BIN1: variants seen among roughly 807,000 people sequenced by gnomAD.
BIN1 encodes myc box-dependent-interacting protein 1.
In BIN1, 53 loss-of-function variants were observed where a neutral mutation model predicts 82.0. The ratio of observed to expected loss-of-function variants is 0.65; its 90% confidence interval spans 0.52 to 0.81. The LOEUF (loss-of-function observed/expected upper bound fraction) is 0.81, where lower values mean the gene tolerates loss of function less well. Among genes scored for constraint, BIN1 ranks in the 40% least tolerant of loss-of-function variants. The pLI is 0.00. For synonymous variants in BIN1, 302 were observed against 328.0 expected (o/e 0.92, Z 0.86); for missense variants, 642 against 784.4 (o/e 0.82, Z 2.17).
In BIN1 at chr2:127,089,520, G is replaced by C. The variant is rs374655175; in HGVS notation, c.85-12814C>G. Among the ~76,000 whole-genome samples the C allele has an allele frequency of 6.9e-4, 105 of 152,270 alleles. 1 individual carries two copies. Among genetic ancestry groups the C allele is most frequent in the African/African-American group, 2.2e-3 (92 of 41,556 alleles). On this transcript the variant is annotated intron_variant, in intron 1 of 18. Transcript: ENST00000316724. Reference sequence around the variant, plus strand: ...ACACGTGTTGGGGTAACAGCTGGGGGTCACAGTGAGTTTGCAGTGCCCAGA... The same window carrying C: ...ACACGTGTTGGGGTAACAGCTGGGGCTCACAGTGAGTTTGCAGTGCCCAGA...
intron 1 of BIN1, among the ~76,000 whole-genome samples, chr2:127,101,285 G>A (rs760571930): frequency 1.3e-5 from 2 of 152,108 alleles, no homozygotes; most frequent in Non-Finnish European, 2.9e-5. Flanking sequence ...AACAAACCAG[G>A]GTGGCATCCA....
chr2:127,073,396 G>A (rs1686171628), intron 2 of BIN1, among the ~76,000 whole-genome samples: 4 of 152,222 alleles, frequency 2.6e-5, no homozygotes, highest in Admixed American at 2.6e-4. Flanking sequence ...GCCCAGCTGG[G>A]GGAAGATAAG....
At chr2:127,065,495 T>G (rs1053159174) in intron 7 of BIN1, among the ~76,000 whole-genome samples, 13 of 152,128 alleles carry the variant, frequency 8.5e-5, no homozygotes, top group African/African-American at 3.1e-4. Flanking sequence ...TCTATGGAAC[T>G]CATAAAATGA....
intron 1 of BIN1, among the ~76,000 whole-genome samples, chr2:127,094,476 G>C (rs1679327389): frequency 1.3e-5 from 2 of 152,180 alleles, no homozygotes; most frequent in African/African-American, 4.8e-5. Flanking sequence ...GATGAGGAGG[G>C]AGAGCAGGAG....
chr2:127,080,539 C>T (rs55769487), intron 1 of BIN1, among the ~76,000 whole-genome samples: 24,405 of 152,248 alleles, frequency 0.16, 2,072 homozygotes, highest in South Asian at 0.25. Context: ...ACACTTATCA[C>T]GCACACTCAC....
chr2:127,092,015 C>A (rs1016942209), intron 1 of BIN1, among the ~76,000 whole-genome samples: 2 of 152,024 alleles, frequency 1.3e-5, no homozygotes, highest in Admixed American at 1.3e-4. Flanking sequence ...TGGCCCCTAC[C>A]TTTGGCCCTG....
chr2:127,071,033 C>T lies in BIN1; in HGVS notation c.166-217G>A, dbSNP rs538960839. 7.9e-5 allele frequency among the ~76,000 whole-genome samples: 12 copies of T among 152,306 alleles called. No homozygotes were observed. The South Asian group carries it at 2.1e-3, about 26-fold the overall frequency. ...CCTTGCCCATGCTTGTGGGCACCTG[C>T]CATCTTCCAGATGCCATTCTCAGCC... On this transcript the variant is annotated intron_variant, in intron 2 of 18. Coordinates refer to ENST00000316724, the MANE Select transcript of BIN1 (RefSeq NM_139343.3).
Position 127,057,612 on chromosome 2 carries a change from G to C in BIN1, c.1003-11C>G, listed in dbSNP as rs759676621. ...TGGGCCTTTCCGGAGCTGTGGGTCG[G>C]CGGCGGGTGAGGGGCCGCGCGGGAA... On this transcript the variant is annotated splice_polypyrimidine_tract_variant and intron_variant, in intron 11 of 18. Transcript: ENST00000316724. The surrounding 1 kb of genome is among the most constrained non-coding windows in gnomAD (Gnocchi z 5.0). 1.6e-4 allele frequency: 237 copies of C among 1,515,906 alleles called. 1 individual carries two copies. In the Middle Eastern group the frequency reaches 9.7e-3, roughly 62 times the overall value. The allele number at this position is 1,515,906 out of a possible 1,614,324, so 93.9% of individuals were successfully genotyped here. A position where few individuals can be genotyped will look rare whatever the true frequency, so the allele number is the denominator to read the frequency against.
At chr2:127,058,878 A>C in intron 11 of BIN1, 133 bp downstream of exon 11, 1 of 1,373,658 alleles carries the variant, frequency 7.3e-7, no homozygotes, top group Admixed American at 2.2e-5. Flanking sequence ...CCCAACCCCC[A>C]CTGGGCAAAG....
In BIN1 at chr2:127,106,565, G is replaced by A. The variant is rs982057208; in HGVS notation, c.84+295C>T. Among the ~76,000 whole-genome samples the A allele has an allele frequency of 3.9e-5, 6 of 152,302 alleles. No individual in the cohort carries two copies. In the East Asian group the frequency reaches 9.7e-4, roughly 25 times the overall value. On this transcript the variant is annotated intron_variant, in intron 1 of 18. Coordinates refer to ENST00000316724, the MANE Select transcript of BIN1 (RefSeq NM_139343.3). ...GTAGCCTGGAGCGCGCGCCTGAGAAGAGCCTGGAGCAGGGCCGGCCACTGC... is the reference window on the plus strand; with the variant it reads ...GTAGCCTGGAGCGCGCGCCTGAGAAAAGCCTGGAGCAGGGCCGGCCACTGC...
intron 1 of BIN1, among the ~76,000 whole-genome samples, chr2:127,084,414 AG>A (rs1234351642): frequency 1.3e-5 from 2 of 152,132 alleles, no homozygotes; most frequent in Non-Finnish European, 2.9e-5. Context: ...GACCAGTGGG[AG>A]GTTTCGGACA....
At chr2:127,086,215 C>A (rs1678138871) in intron 1 of BIN1, among the ~76,000 whole-genome samples, 1 of 152,192 alleles carries the variant, frequency 6.6e-6, no homozygotes, top group African/African-American at 2.4e-5. Flanking sequence ...GCCAGGATGC[C>A]ACACCTGATC....
chr2:127,081,231 C>T (rs747962892), intron 1 of BIN1, among the ~76,000 whole-genome samples: 3 of 152,206 alleles, frequency 2.0e-5, no homozygotes, highest in African/African-American at 4.8e-5. Flanking sequence ...CAGCTCACCA[C>T]GTACAGCACC....
intron 9 of BIN1, 123 bp downstream of exon 9, chr2:127,063,448 T>C: frequency 1.9e-6 from 2 of 1,061,348 alleles, no homozygotes; most frequent in Non-Finnish European, 2.8e-6. Flanking sequence ...GGGAGCCCTG[T>C]GGTCACCGGT....
In BIN1 at chr2:127,057,501, G is replaced by A; in HGVS notation, c.1103C>T (p.Pro368Leu). The A allele has an allele frequency of 6.5e-7, 1 of 1,547,908 alleles. No homozygotes were observed. The highest frequency in any genetic ancestry group is 8.7e-7 in the Non-Finnish European group (1 of 1,144,558). Residue 368 changes from proline (P) to leucine (L), a missense_variant, in exon 12 of 19, where the codon CCT (proline) becomes CTT (leucine). Transcript: ENST00000316724. This position sits in a 1 kb window ranked among gnomAD's most constrained non-coding sequence, Gnocchi z 5.0. Reference sequence around the variant, plus strand: ...GGAGGGGGTGGTCACGCTGATCTCAGGGACAAACGTGTCCTCAAACAGGCT... The same window carrying A: ...GGAGGGGGTGGTCACGCTGATCTCAAGGACAAACGTGTCCTCAAACAGGCT... ...ILSLFEDTFV[P>L]EISVTTPSQF... is the part of the protein sequence containing the mutation.
At chr2:127,062,386 AAGTGGGCT>A (rs1380862600) in intron 9 of BIN1, among the ~76,000 whole-genome samples, 189 bp from the exon 10 acceptor site, 1 of 152,214 alleles carries the variant, frequency 6.6e-6, no homozygotes, top group African/African-American at 2.4e-5. Context: ...AAAACGGGGC[AAGTGGGCT>A]ATATCACTAA....
At chr2:127,084,010 A>G (rs10205454) in intron 1 of BIN1, among the ~76,000 whole-genome samples, 149,501 of 152,352 alleles carry the variant, frequency 0.98, 73,371 homozygotes, top group East Asian at 1. Flanking sequence ...CATCTGCAGG[A>G]CAATCACGGT....
intron 10 of BIN1, among the ~76,000 whole-genome samples, chr2:127,060,809 G>C (rs1469752836): frequency 1.3e-5 from 2 of 152,126 alleles, no homozygotes; most frequent in African/African-American, 4.8e-5. Flanking sequence ...CTATCCCGGG[G>C]TGCCCTGACT....
intron 9 of BIN1, among the ~76,000 whole-genome samples, chr2:127,062,787 C>CTATTTT (rs1684672003): frequency 6.6e-6 from 1 of 152,330 alleles, no homozygotes; most frequent in Middle Eastern, 3.4e-3. Context: ...ACACCTTTCT[C>CTATTTT]TATTTTTTAA....
Sources: allele counts gnomAD v4.1 joint callset (sites outside exome capture counted in the v4.1 genomes callset), GRCh38; gene constraint gnomAD v4.1.1; non-coding constraint Gnocchi (gnomAD v3.1); transcripts MANE v1.5; gene names NCBI Gene and HGNC (gene_info 2026-07-23, HGNC 2026-07-21).